NEB: variants seen among roughly 807,000 people sequenced by gnomAD.
NEB encodes the protein nebulin.
A neutral mutation model predicts 952.2 loss-of-function variants in NEB; 512 were observed. That is an observed-to-expected ratio of 0.54 (90% CI 0.50 to 0.58). The LOEUF (loss-of-function observed/expected upper bound fraction) is 0.58, where lower values mean the gene tolerates loss of function less well. Among genes scored for constraint, NEB ranks in the 20% least tolerant of loss-of-function variants. The pLI is 0.00. For synonymous variants in NEB, 2,900 were observed against 3,149.8 expected (o/e 0.92, Z 2.66); for missense variants, 8,428 against 9,231.1 (o/e 0.91, Z 3.56).
At chr2:151,663,503 C>T in intron 45 of NEB, 45 bp downstream of exon 45, 1 of 1,534,076 alleles carries the variant, frequency 6.5e-7, no homozygotes, top group African/African-American at 1.4e-5. Context: ...CTCATGGTTG[C>T]TTATTATCCA....
intron 60 of NEB, among the ~76,000 whole-genome samples, chr2:151,641,519 T>C (rs539569696): frequency 6.6e-6 from 1 of 152,266 alleles, no homozygotes; most frequent in Non-Finnish European, 1.5e-5. Context: ...TTTGTAGAGA[T>C]AGTGCCTTGC....
chr2:151,563,574 C>A (rs1332119953), intron 119 of NEB, 32 bp downstream of exon 119: 1 of 1,571,840 alleles, frequency 6.4e-7, no homozygotes, highest in South Asian at 1.1e-5. Flanking sequence ...TTATGGGGCA[C>A]AAATCCCGTG....
chr2:151,627,036 A>G lies in NEB; in HGVS notation c.10313T>C (p.Val3438Ala). 1 of 1,613,974 alleles carries G rather than the reference A, an allele frequency of 6.2e-7. No homozygotes were observed. ...FTSVTDSLEQ[V>A]LAKNNALNMN... ...ATTGAGAGCATTGTTCTTGGCCAGC[A>G]CCTGCTCTAGAGAGTCAGTCACACT... Residue 3438 changes from valine (V) to alanine (A), a missense_variant, in exon 70 of 182, where the codon GTG becomes GCG. Transcript: ENST00000397345.
intron 10 of NEB, among the ~76,000 whole-genome samples, chr2:151,712,394 G>A (rs965075479): frequency 3.3e-5 from 5 of 152,324 alleles, no homozygotes; most frequent in Admixed American, 6.5e-5. Context: ...TTCTCACAGT[G>A]AGAGATAGAT....
intron 129 of NEB, 100 bp downstream of exon 129, chr2:151,551,638 T>C: frequency 1.1e-6 from 1 of 873,800 alleles, no homozygotes; most frequent in Non-Finnish European, 1.8e-6. Flanking sequence ...TAGAACAGCA[T>C]TTATACAAGG....
At position 151,662,317 on chromosome 2, in the gene NEB, C is replaced by T; in HGVS notation, c.5788G>A (p.Asp1930Asn). ...SDNQYKADYADFMKGIGWLPL... is the reference protein window; with the variant it reads ...SDNQYKADYANFMKGIGWLPL... ...AGCCATCCAATGCCCTTCATGAAGT[C>T]AGCATAGTCAGCCTTGTACTGATTC... Residue 1930 changes from aspartate to asparagine, a missense_variant, in exon 46 of 182, where the codon GAC becomes AAC. Around this residue, in one of 11 missense-constraint regions of NEB, gnomAD observed 2,851 missense variants for 2,791.5 expected, o/e 1.02. Coordinates refer to ENST00000397345, the MANE Select transcript of NEB (RefSeq NM_001164508.2). The T allele has an allele frequency of 6.2e-7, 1 of 1,613,378 alleles. No homozygotes were observed. The highest frequency in any genetic ancestry group is 1.7e-4 in the Middle Eastern group (1 of 6,052).
intron 125 of NEB, among the ~76,000 whole-genome samples, chr2:151,554,720 A>G (rs548363954): frequency 1.3e-5 from 2 of 152,306 alleles, no homozygotes; most frequent in African/African-American, 4.8e-5. Context: ...CTATGTTTAG[A>G]TACACAAATA....
rs1246058469 is a variant in NEB at position 151,650,670 on chromosome 2, A to T, written c.7131T>A (p.Ser2377Arg). The T allele has an allele frequency of 6.2e-7, 1 of 1,613,906 alleles. No homozygotes were observed. Among genetic ancestry groups the T allele is most frequent in the Non-Finnish European group, 8.5e-7 (1 of 1,179,816 alleles). Residue 2377 changes from serine to arginine, a missense_variant, in exon 53 of 182, where the codon AGT becomes AGA. By Grantham distance (110) the Ser-to-Arg change is moderately radical. Around this residue, in one of 11 missense-constraint regions of NEB, gnomAD observed 1,772 missense variants for 1,960.3 expected, o/e 0.90. Transcript: ENST00000397345. ...GCAGGTAGTTCTTGTAGTCCACGTC[A>T]CTAACCAACTCCTGACACTTCTTGG... ...VLAKKCQELV[S>R]DVDYKNYLHQ...
At position 151,579,410 on chromosome 2, in the gene NEB, C is replaced by G. The variant is rs2097050699; in HGVS notation, c.16632G>C (p.Leu5544=). Residue 5544 remains leucine, a synonymous_variant, in exon 105 of 182, where the codon CTG becomes CTC. Transcript: ENST00000397345. The part of the protein sequence containing the change: ...LASDVDYRHY[L]HRWSCFPDQN... ...GGTCGGGAAAGCAAGACCAGCGGTG[C>G]AGGTAATGGCGATAGTCCACATCAC... The G allele has an allele frequency of 6.5e-7, 1 of 1,531,520 alleles. No individual in the cohort carries two copies. The highest frequency in any genetic ancestry group is 2.5e-5 in the East Asian group (1 of 40,692). The allele number at this position is 1,531,520 out of a possible 1,614,324, so 94.9% of individuals were successfully genotyped here.
Position 151,724,259 on chromosome 2 carries a change from C to A in NEB, c.612+1G>T. On this transcript the variant is annotated splice_donor_variant, in intron 8 of 181. Transcript: ENST00000397345. LOFTEE classifies it high-confidence loss of function. The stretch of plus-strand genomic sequence containing the variant: ...GAAGTGGCAATGGAGCAGACCCTTA[C>A]CTTGCTGAACATGGCGGTGTTCTTA... The A allele has an allele frequency of 1.9e-6, 3 of 1,610,742 alleles. No individual in the cohort carries two copies. Among genetic ancestry groups the A allele is most frequent in the Non-Finnish European group, 2.5e-6 (3 of 1,177,994 alleles).
At chr2:151,725,782 T>C (rs1055542027) in intron 5 of NEB, among the ~76,000 whole-genome samples, 1 of 152,234 alleles carries the variant, frequency 6.6e-6, no homozygotes, top group African/African-American at 2.4e-5. Context: ...AAATTTATTA[T>C]AGACTATTGT....
In NEB at chr2:151,695,670, C is replaced by G; in HGVS notation, c.1582G>C (p.Ala528Pro). 3.7e-6 allele frequency: 6 copies of G among 1,612,764 alleles called. No individual in the cohort carries two copies. Among genetic ancestry groups the G allele is most frequent in the Non-Finnish European group, 5.1e-6 (6 of 1,179,050 alleles). Reference sequence around the variant, plus strand: ...TTGAACTTTTCACTTTCATGTTTTGCTTTGTAATTTAACTATGACAGAGAG... The same window carrying G: ...TTGAACTTTTCACTTTCATGTTTTGGTTTGTAATTTAACTATGACAGAGAG... ...SKQLSDLNYK[A>P]KHESEKFKCH... The change falls in exon 18 of 182, where the codon GCA becomes CCA. Residue 528 changes from alanine to proline, a missense_variant. Coordinates refer to ENST00000397345, the MANE Select transcript of NEB (RefSeq NM_001164508.2).
intron 107 of NEB, among the ~76,000 whole-genome samples, chr2:151,572,779 G>T (rs1246553510): frequency 6.7e-6 from 1 of 149,384 alleles, no homozygotes; most frequent in East Asian, 2.0e-4. Context: ...TCGAACTCTG[G>T]CCTCAAGTGA....
chr2:151,542,031 T>C (rs1383846489), intron 135 of NEB, among the ~76,000 whole-genome samples: 2 of 152,300 alleles, frequency 1.3e-5, no homozygotes, highest in East Asian at 3.9e-4. Context: ...CTCAAGACCA[T>C]AGTTTGGCTC....
At chr2:151,671,400 G>A in intron 37 of NEB, 171 bp from the exon 38 acceptor site, 1 of 609,420 alleles carries the variant, frequency 1.6e-6, no homozygotes, top group Non-Finnish European at 2.9e-6. Flanking sequence ...AAGCTGTTCT[G>A]TTGTTAGAGT....
intron 46 of NEB, among the ~76,000 whole-genome samples, chr2:151,659,492 G>T (rs1374093659): frequency 6.6e-6 from 1 of 151,944 alleles, no homozygotes; most frequent in African/African-American, 2.4e-5. Context: ...GTAGAGATGG[G>T]TTTTTGCCAT....
chr2:151,489,943 TTATTTA>T, intron 181 of NEB, 22 bp downstream of exon 181: 1 of 1,508,198 alleles, frequency 6.6e-7, no homozygotes. Flanking sequence ...TAAGAATAAT[TTATTTA>T]AGTGAGTTGT....
chr2:151,485,753 G>C lies in NEB; in HGVS notation c.*7C>G. On this transcript the variant is annotated 3_prime_UTR_variant, in exon 182 of 182. Coordinates refer to ENST00000397345, the MANE Select transcript of NEB (RefSeq NM_001164508.2). ...GTCCTGCAGACAAGTGTGATGCTTTGAAATGCCTAAATAGCTTCAACGTAG... is the reference window on the plus strand; with the variant it reads ...GTCCTGCAGACAAGTGTGATGCTTTCAAATGCCTAAATAGCTTCAACGTAG... 2 of 1,600,602 alleles carry C rather than the reference G, an allele frequency of 1.2e-6. No individual in the cohort carries two copies. Among genetic ancestry groups the C allele is most frequent in the South Asian group, 1.1e-5 (1 of 89,830 alleles).
At chr2:151,502,971 G>A in intron 166 of NEB, 86 bp from the exon 167 acceptor site, 1 of 768,284 alleles carries the variant, frequency 1.3e-6, no homozygotes, top group Non-Finnish European at 2.2e-6. Context: ...GGGGTTATAT[G>A]TGAGGAGGCA....
Sources: gnomAD v4.1 joint callset for allele counts (sites outside exome capture counted in the v4.1 genomes callset) on GRCh38, gnomAD v4.1.1 for gene constraint, gnomAD v4.1.1 regional missense constraint, MANE v1.5 for transcripts, NCBI Gene and HGNC (gene_info 2026-07-23, HGNC 2026-07-21) for gene names.